The following KCNK7 variants were observed in gnomAD, a reference collection of about 807,000 sequenced individuals.
KCNK7 encodes potassium channel subfamily K member 7.
A neutral mutation model predicts 18.1 loss-of-function variants in KCNK7; 14 were observed. The observed-to-expected ratio is 0.77, with a 90% CI of 0.51 to 1.21. The LOEUF (loss-of-function observed/expected upper bound fraction) is 1.21. Ranked by LOEUF, KCNK7 falls within the 50% of genes most tolerant of loss-of-function variation. KCNK7 has a pLI of 0.00. For synonymous variants in KCNK7, 188 were observed against 184.7 expected (o/e 1.02, Z -0.15); for missense variants, 385 against 387.3 (o/e 0.99, Z 0.05).
At chr11:65,594,935 A>G (rs1314466781) in intron 1 of KCNK7, among the ~76,000 whole-genome samples, 1 of 151,968 alleles carries the variant, frequency 6.6e-6, no homozygotes, top group Non-Finnish European at 1.5e-5. Context: ...TGTGGGGCAA[A>G]AAATACGAAA....
intron 1 of KCNK7, 105 bp downstream of exon 1, chr11:65,595,349 C>A: frequency 9.3e-7 from 1 of 1,076,454 alleles, no homozygotes; most frequent in Non-Finnish European, 1.2e-6. Flanking sequence ...TGGGCTCCAT[C>A]TGGCTCTTTG....
chr11:65,593,909 C>CT, intron 1 of KCNK7, 35 bp from the exon 2 acceptor site: 1 of 1,503,006 alleles, frequency 6.7e-7, no homozygotes, highest in Non-Finnish European at 8.8e-7. Flanking sequence ...AGTGAGAGCT[C>CT]TGAGTGCCAT....
At chr11:65,594,315 C>T (rs112219657) in intron 1 of KCNK7, among the ~76,000 whole-genome samples, 1,867 of 152,248 alleles carry the variant, frequency 0.012, 16 homozygotes, top group Middle Eastern at 0.041. Flanking sequence ...AAAGAGGCAG[C>T]ATGGGCGAGA....
rs773925320 is a variant in KCNK7, at chr11:65,592,978, C to G, written c.*27G>C. 8.7e-6 allele frequency: 14 copies of G among 1,604,116 alleles called. No homozygotes were observed. The highest frequency in any genetic ancestry group is 1.8e-4 in the Middle Eastern group (1 of 5,468). ...TTCCTCCTCAGGTGCCGCCACCTTA[C>G]GGAGCTGAACTCGGTCACCTGACGC... On this transcript the variant is annotated 3_prime_UTR_variant, in exon 3 of 3. Transcript: ENST00000340313.
chr11:65,593,991 C>A, intron 1 of KCNK7, 117 bp from the exon 2 acceptor site: 3 of 1,110,152 alleles, frequency 2.7e-6, no homozygotes, highest in Non-Finnish European at 2.5e-6. Context: ...CTTGAACTGG[C>A]CAGGCCCAGG....
rs760267230 is a variant in KCNK7 at position 65,593,559 on chromosome 11, G to C, written c.635C>G (p.Thr212Ser). 6.2e-7 allele frequency: 1 copy of C among 1,609,896 alleles called. No individual in the cohort carries two copies. Among genetic ancestry groups the C allele is most frequent in the African/African-American group, 1.3e-5 (1 of 74,918 alleles). Residue 212 changes from threonine (T) to serine (S), a missense_variant, in exon 2 of 3, where the codon ACC becomes AGC. Coordinates refer to ENST00000340313, the MANE Select transcript of KCNK7 (RefSeq NM_033347.2). The stretch of plus-strand genomic sequence containing the variant: ...GGGCAGCAAGTCCTCCAGGCCAATG[G>C]TGCTGAGCGAGCTGAAGCAGAAGTA... ...AVYFCFSSLS[T>S]IGLEDLLPGR... is the part of the protein sequence containing the mutation.
chr11:65,593,291 G>A, intron 2 of KCNK7, 81 bp from the exon 3 acceptor site: 9 of 1,613,510 alleles, frequency 5.6e-6, no homozygotes, highest in Non-Finnish European at 7.6e-6. Context: ...GACTTGCCCT[G>A]GCAACTGGCA....
intron 1 of KCNK7, 30 bp from the exon 2 acceptor site, chr11:65,593,904 G>T: frequency 6.6e-7 from 1 of 1,506,540 alleles, no homozygotes; most frequent in South Asian, 1.3e-5. Flanking sequence ...TGGACAGTGA[G>T]AGCTCTGAGT....
chr11:65,593,536 G>C lies in KCNK7; in HGVS notation c.658C>G (p.Pro220Ala). Residue 220 changes from proline (P) to alanine (A), a missense_variant, in exon 2 of 3, where the codon CCC (proline) becomes GCC (alanine). Coordinates refer to ENST00000340313, the MANE Select transcript of KCNK7 (RefSeq NM_033347.2). ...GGGTGCAGGCTGCGGCCGCGGCCGG[G>C]CAGCAAGTCCTCCAGGCCAATGGTG... ...LSTIGLEDLL[P>A]GRGRSLHPVI... 6.2e-7 allele frequency: 1 copy of C among 1,611,704 alleles called. No homozygotes were observed.
rs1858426009 is a variant in KCNK7, at chr11:65,592,905, C to T, written c.*100G>A. 4.3e-6 allele frequency: 6 copies of T among 1,407,240 alleles called. No homozygotes were observed. In the East Asian group the frequency reaches 1.5e-4, roughly 35 times the overall value. The allele number at this position is 1,407,240 out of a possible 1,614,324, so 87.2% of individuals were successfully genotyped here. ...TATCCTCTGAGGCCTCCCGCCCACC[C>T]TCACCGCGGCTCCATCTCCAGATTC... On this transcript the variant is annotated 3_prime_UTR_variant, in exon 3 of 3. Coordinates refer to ENST00000340313, the MANE Select transcript of KCNK7 (RefSeq NM_033347.2).
intron 1 of KCNK7, 146 bp from the exon 2 acceptor site, chr11:65,594,020 C>T (rs1854294798): frequency 2.5e-6 from 2 of 805,306 alleles, no homozygotes; most frequent in African/African-American, 3.5e-5. Context: ...GGCTCTGCTC[C>T]TCTTCGTCAG....
intron 2 of KCNK7, 95 bp downstream of exon 2, chr11:65,593,381 C>CA (rs747697567): frequency 4.3e-5 from 69 of 1,613,746 alleles, no homozygotes; most frequent in Non-Finnish European, 5.5e-5. Flanking sequence ...GAGGTCCCTC[C>CA]ACCTGCAAGG....
intron 2 of KCNK7, 98 bp from the exon 3 acceptor site, chr11:65,593,308 A>G (rs750929514): frequency 2.5e-6 from 4 of 1,612,834 alleles, no homozygotes; most frequent in African/African-American, 1.3e-5. Context: ...GGCACCACTC[A>G]CCCCCTTCTC....
chr11:65,593,907 CTCTGAGTGCCATG>C, intron 1 of KCNK7, 33 bp from the exon 2 acceptor site: 1 of 1,503,498 alleles, frequency 6.7e-7, no homozygotes. Flanking sequence ...ACAGTGAGAG[CTCTGAGTGCCATG>C]TCTGCTGGGG....
Position 65,593,502 on chromosome 11 carries a change from TA to T in KCNK7, c.691del (p.Tyr231ThrfsTer14). On this transcript the variant is annotated frameshift_variant, in exon 2 of 3. Transcript: ENST00000340313. LOFTEE classifies it low-confidence loss of function (END_TRUNC). ...AAGAAGTGCGAGCTGGCCCAGGTGG[TA>T]AATCACGGGGTGCAGGCTGCGGCCG... is the stretch of plus-strand genomic sequence containing the variant. ...GRGRSLHPVI[Y>X]HLGQLALLGY... 6.2e-7 allele frequency: 1 copy of T among 1,613,150 alleles called. No homozygotes were observed. Among genetic ancestry groups the T allele is most frequent in the Non-Finnish European group, 8.5e-7 (1 of 1,179,890 alleles).
At chr11:65,594,801 T>C (rs1291663308) in intron 1 of KCNK7, among the ~76,000 whole-genome samples, 1 of 149,500 alleles carries the variant, frequency 6.7e-6, no homozygotes, top group Admixed American at 6.7e-5. Context: ...ACCCGGGAGG[T>C]GGAGGTTGCA....
At position 65,593,588 on chromosome 11, in the gene KCNK7, GGCC is replaced by G; in HGVS notation, c.603_605del (p.Ala202del). On this transcript the variant is annotated inframe_deletion, in exon 2 of 3. Coordinates refer to ENST00000340313, the MANE Select transcript of KCNK7 (RefSeq NM_033347.2). ...TGAGCGAGCTGAAGCAGAAGTAGAC[GGCC>G]CCCAGCAGGCTGCAGTCGCCCTGAA... 2 of 1,606,566 alleles carry G rather than the reference GGCC, an allele frequency of 1.2e-6. No homozygotes were observed. Among genetic ancestry groups the G allele is most frequent in the Admixed American group, 3.3e-5 (2 of 59,998 alleles).
At position 65,595,620 on chromosome 11, in the gene KCNK7, C is replaced by T. The variant is rs1038884520; in HGVS notation, c.153G>A (p.Gln51=). 1.9e-6 allele frequency: 3 copies of T among 1,604,158 alleles called. No homozygotes were observed. Among genetic ancestry groups the T allele is most frequent in the Admixed American group, 3.4e-5 (2 of 58,896 alleles). ...GTGGCAGGCAGGCCCTATGCTCTGC[C>T]TGGAAGGCTGCCAGCTCTGCCCTGA... is the stretch of plus-strand genomic sequence containing the variant. ...AELRAELAAF[Q]AEHRACLPPG... The change falls in exon 1 of 3, where the codon CAG becomes CAA. Residue 51 remains glutamine (Q), a synonymous_variant. Transcript: ENST00000340313.
chr11:65,592,860 G>A lies in KCNK7; in HGVS notation c.*145C>T. ...ATAGTTGAAAATAGCCGAAGTCGTT[G>A]CTCATTTTATGATTAACAGTATCCT... On this transcript the variant is annotated 3_prime_UTR_variant, in exon 3 of 3. Transcript: ENST00000340313. The A allele has an allele frequency of 8.6e-6, 8 of 929,828 alleles. No homozygotes were observed. Among genetic ancestry groups the A allele is most frequent in the Non-Finnish European group, 1.1e-5 (7 of 638,670 alleles). The allele number at this position is 929,828 out of a possible 1,614,324, so 57.6% of individuals were successfully genotyped here.
Sources: gnomAD v4.1 joint callset for allele counts (sites outside exome capture counted in the v4.1 genomes callset) on GRCh38, gnomAD v4.1.1 for gene constraint, MANE v1.5 for transcripts, NCBI Gene and HGNC (gene_info 2026-07-23, HGNC 2026-07-21) for gene names.